The following MEIS1 variants were observed in gnomAD, a reference collection of about 807,000 sequenced individuals.
MEIS1 encodes the protein Meis homeobox 1.
A neutral mutation model predicts 50.8 loss-of-function variants in MEIS1; 5 were observed. The ratio of observed to expected loss-of-function variants is 0.10; its 90% CI spans 0.05 to 0.21. MEIS1 has a LOEUF of 0.21. Ranked by LOEUF, MEIS1 falls within the 10% of genes least tolerant of loss-of-function variation. The pLI is 1.00. For missense variants in MEIS1, 318 were observed against 517.3 expected (o/e 0.61, Z 3.74); for synonymous variants, 176 against 179.3 (o/e 0.98, Z 0.15).
rs923140568 is a variant in MEIS1 at position 66,573,533 on chromosome 2, C to T, written c.*2325C>T. ...TCTATTTTCTATTCGAAAAGAGAAACCAGCTGTGGGTTGGCTTTACTAGGT... is the reference window on the plus strand; with the variant it reads ...TCTATTTTCTATTCGAAAAGAGAAATCAGCTGTGGGTTGGCTTTACTAGGT... On this transcript the variant is annotated 3_prime_UTR_variant, in exon 13 of 13. Transcript: ENST00000272369. The T allele has an allele frequency of 1.3e-5, 2 of 152,174 alleles. No homozygotes were observed. The highest frequency in any genetic ancestry group is 1.9e-4 in the East Asian group (1 of 5,192). 9.4% of individuals were successfully genotyped at this position (152,174 alleles called of 1,614,324 possible). A position where few individuals can be genotyped will look rare whatever the true frequency, so the allele number is the denominator to read the frequency against.
intron 2 of MEIS1, 67 bp from the exon 3 acceptor site, chr2:66,439,776 G>A: frequency 1.9e-6 from 3 of 1,606,202 alleles, no homozygotes; most frequent in Non-Finnish European, 2.6e-6. Flanking sequence ...TGTTTTTCTT[G>A]GGCACCTTTT....
intron 7 of MEIS1, among the ~76,000 whole-genome samples, chr2:66,486,567 T>A (rs1558535948): frequency 6.6e-6 from 1 of 152,186 alleles, no homozygotes; most frequent in Non-Finnish European, 1.5e-5. Context: ...CCTAGGATTG[T>A]CTTGGCTATA....
At chr2:66,560,998 G>C (rs1483194096) in intron 9 of MEIS1, among the ~76,000 whole-genome samples, 1 of 152,162 alleles carries the variant, frequency 6.6e-6, no homozygotes, top group Non-Finnish European at 1.5e-5. Context: ...TTAAAATCAT[G>C]TTTCATGAAA....
At chr2:66,439,219 G>A (rs184720762) in intron 2 of MEIS1, 42 of 955,910 alleles carry the variant, frequency 4.4e-5, no homozygotes, top group Admixed American at 5.9e-5. Flanking sequence ...TCTTTGGGGG[G>A]CGGTGGGGGC....
At chr2:66,489,166 AT>A (rs2103802679) in intron 7 of MEIS1, among the ~76,000 whole-genome samples, 1 of 152,332 alleles carries the variant, frequency 6.6e-6, no homozygotes, top group South Asian at 2.1e-4. Flanking sequence ...GATCACCTTC[AT>A]TTAATCCTCT....
At chr2:66,517,369 TC>T (rs1485143125) in intron 8 of MEIS1, among the ~76,000 whole-genome samples, 2 of 152,204 alleles carry the variant, frequency 1.3e-5, no homozygotes, top group Non-Finnish European at 2.9e-5. Flanking sequence ...TGCAGACAGA[TC>T]ATTAAATTAA....
Position 66,437,811 on chromosome 2 carries a change from A to T in MEIS1, c.87A>T (p.Ala29=), listed in dbSNP as rs757333616. The change falls in exon 2 of 13, where the codon GCA becomes GCT. Residue 29 remains alanine, a synonymous_variant. Transcript: ENST00000272369. ...CCACGATGTATGGGGACCCGCATGCAGCCAGGTCCATGCAGCCGGTCCACC... is the reference window on the plus strand; with the variant it reads ...CCACGATGTATGGGGACCCGCATGCTGCCAGGTCCATGCAGCCGGTCCACC... ...IPSTMYGDPH[A]ARSMQPVHHL... 3 of 1,614,006 alleles carry T rather than the reference A, an allele frequency of 1.9e-6. No homozygotes were observed. The highest frequency in any genetic ancestry group is 2.5e-6 in the Non-Finnish European group (3 of 1,179,900).
At chr2:66,571,220 G>C (rs1264013636) in intron 12 of MEIS1, 26 bp from the exon 13 acceptor site, 1 of 1,546,562 alleles carries the variant, frequency 6.5e-7, no homozygotes, top group Non-Finnish European at 8.7e-7. Flanking sequence ...TTTTCTTTTT[G>C]TTTCTTTCTT....
chr2:66,508,952 T>G (rs924463900), intron 7 of MEIS1: 1 of 459,736 alleles, frequency 2.2e-6, no homozygotes, highest in African/African-American at 2.0e-5. Flanking sequence ...AGGAATGAAG[T>G]CACTGCTGAC....
At chr2:66,518,411 A>G (rs1388581621) in intron 8 of MEIS1, among the ~76,000 whole-genome samples, 1 of 152,184 alleles carries the variant, frequency 6.6e-6, no homozygotes, top group East Asian at 1.9e-4. Context: ...CAAGGTTAAG[A>G]TACAGATACA....
chr2:66,492,869 A>G (rs1289733290), intron 7 of MEIS1, among the ~76,000 whole-genome samples: 1 of 152,150 alleles, frequency 6.6e-6, no homozygotes, highest in Non-Finnish European at 1.5e-5. Context: ...TGAGAGTTGC[A>G]TCTTCTTAGT....
intron 7 of MEIS1, among the ~76,000 whole-genome samples, chr2:66,492,695 T>A (rs145121553): frequency 1.3e-5 from 2 of 152,346 alleles, no homozygotes; most frequent in East Asian, 3.9e-4. Context: ...CCTTGGTTGT[T>A]TGTGCAGATC....
rs139539215 is a variant in MEIS1, at chr2:66,545,212, A to G, written c.889-2731A>G. Among the ~76,000 whole-genome samples the G allele has an allele frequency of 3.3e-4, 51 of 152,316 alleles. 1 individual carries two copies. Among genetic ancestry groups the G allele is most frequent in the Non-Finnish European group, 7.4e-5 (5 of 68,022 alleles). On this transcript the variant is annotated intron_variant, in intron 8 of 12. Coordinates refer to ENST00000272369, the MANE Select transcript of MEIS1 (RefSeq NM_002398.3). ...TGACTATACTAAAGAAGGACTGTTG[A>G]CATATTTATTAATTCTATTAAAAAT...
chr2:66,457,161 ATTT>A (rs5831810), intron 6 of MEIS1, among the ~76,000 whole-genome samples: 15 of 140,092 alleles, frequency 1.1e-4, no homozygotes, highest in African/African-American at 2.4e-4. Flanking sequence ...ATTTCTAGGG[ATTT>A]TTTTTTTTTT....
chr2:66,484,274 C>T (rs766586800), intron 7 of MEIS1, among the ~76,000 whole-genome samples: 3 of 152,080 alleles, frequency 2.0e-5, no homozygotes, highest in African/African-American at 4.8e-5. Context: ...GCTGACTACC[C>T]GCTCACCCTC....
At chr2:66,542,739 T>A (rs533097078) in intron 8 of MEIS1, among the ~76,000 whole-genome samples, 1 of 152,304 alleles carries the variant, frequency 6.6e-6, no homozygotes, top group South Asian at 2.1e-4. Context: ...TCTGCTGCCA[T>A]TACAATGTGC....
intron 7 of MEIS1, among the ~76,000 whole-genome samples, chr2:66,488,584 A>G (rs1447204246): frequency 1.3e-5 from 2 of 152,154 alleles, no homozygotes; most frequent in East Asian, 3.9e-4. Context: ...AGGCTGAGGC[A>G]GGAGAATGGC....
At chr2:66,477,650 G>A (rs746764905) in intron 7 of MEIS1, among the ~76,000 whole-genome samples, 37 of 152,298 alleles carry the variant, frequency 2.4e-4, no homozygotes, top group Admixed American at 3.3e-4. Flanking sequence ...GGAATTTGGT[G>A]ACTCATTTCA....
At chr2:66,468,311 T>C (rs1672687688) in intron 7 of MEIS1, among the ~76,000 whole-genome samples, 1 of 152,142 alleles carries the variant, frequency 6.6e-6, no homozygotes, top group African/African-American at 2.4e-5. Flanking sequence ...TCCCCTAGAT[T>C]TTTACTGTTT....
Sources: gnomAD v4.1 joint callset for allele counts (sites outside exome capture counted in the v4.1 genomes callset) on GRCh38, gnomAD v4.1.1 for gene constraint, MANE v1.5 for transcripts, NCBI Gene and HGNC (gene_info 2026-07-23, HGNC 2026-07-21) for gene names.